CNTN6: variants seen among roughly 807,000 people sequenced by gnomAD.
CNTN6 encodes the protein contactin-6.
CNTN6 carries 137 observed loss-of-function variants against 122.8 expected under a neutral mutation model. That is an observed-to-expected ratio of 1.12 (90% CI 0.97 to 1.29). The LOEUF (loss-of-function observed/expected upper bound fraction) is 1.29. CNTN6 is among the 50% of genes most tolerant of loss of function. The pLI is 0.00. For synonymous variants in CNTN6, 570 were observed against 426.0 expected, an observed-to-expected ratio of 1.34 and a Z score of -4.16; for missense variants, 1,634 against 1,223.4, an observed-to-expected ratio of 1.34 and a Z score of -5.01.
At chr3:1,096,538 A>G (rs933984547) in intron 1 of CNTN6, among the ~76,000 whole-genome samples, 7 of 152,100 alleles carry the variant, frequency 4.6e-5, no homozygotes, top group African/African-American at 1.7e-4. Flanking sequence ...ATTTTAATTG[A>G]CAAATTGGTT....
chr3:1,097,446 A>G, intron 1 of CNTN6, among the ~76,000 whole-genome samples: 1 of 152,258 alleles, frequency 6.6e-6, no homozygotes, highest in East Asian at 1.9e-4. Context: ...ATAAAAGAAC[A>G]TGATGTGTCG....
chr3:1,233,576 A>G (rs1024384471), intron 4 of CNTN6, among the ~76,000 whole-genome samples: 8 of 151,890 alleles, frequency 5.3e-5, no homozygotes, highest in Admixed American at 6.6e-5. Context: ...TCTATAAAAA[A>G]TACAAAAAAT....
At chr3:1,337,620 A>G (rs543137182) in intron 11 of CNTN6, among the ~76,000 whole-genome samples, 2 of 152,246 alleles carry the variant, frequency 1.3e-5, no homozygotes, top group East Asian at 3.9e-4. Flanking sequence ...AAACAGGCAA[A>G]TGAACCATAT....
chr3:1,311,616 C>T (rs1230555372), intron 7 of CNTN6, among the ~76,000 whole-genome samples: 1 of 149,846 alleles, frequency 6.7e-6, no homozygotes, highest in Non-Finnish European at 1.5e-5. Flanking sequence ...CAGATATACT[C>T]ATTTAAGAAA....
chr3:1,281,809 G>C (rs1693497451), intron 5 of CNTN6, among the ~76,000 whole-genome samples: 1 of 152,174 alleles, frequency 6.6e-6, no homozygotes, highest in Non-Finnish European at 1.5e-5. Context: ...CAGTCAGCAA[G>C]AATGAGTCTC....
At chr3:1,327,224 T>C (rs1382081938) in intron 9 of CNTN6, among the ~76,000 whole-genome samples, 4 of 151,834 alleles carry the variant, frequency 2.6e-5, no homozygotes, top group Non-Finnish European at 4.4e-5. Flanking sequence ...GTGCAAAGTA[T>C]GTCAATTGTC....
chr3:1,155,977 A>T (rs1253604588), intron 2 of CNTN6, among the ~76,000 whole-genome samples: 1 of 152,246 alleles, frequency 6.6e-6, no homozygotes, highest in East Asian at 1.9e-4. Flanking sequence ...TATAAAGTTC[A>T]AACTGTCTAA....
chr3:1,258,084 G>C (rs1210596514), intron 4 of CNTN6, among the ~76,000 whole-genome samples: 6 of 152,014 alleles, frequency 3.9e-5, no homozygotes, highest in African/African-American at 1.4e-4. Context: ...AAGTTGTATT[G>C]GAAAAGCAAT....
chr3:1,399,631 A>T (rs1165292648), intron 20 of CNTN6, among the ~76,000 whole-genome samples: 2 of 152,020 alleles, frequency 1.3e-5, no homozygotes, highest in Non-Finnish European at 2.9e-5. Context: ...GTATTGTGTC[A>T]CCTATGGATC....
chr3:1,355,664 T>C (rs1293614286), intron 12 of CNTN6, among the ~76,000 whole-genome samples: 1 of 151,722 alleles, frequency 6.6e-6, no homozygotes, highest in Non-Finnish European at 1.5e-5. Flanking sequence ...TAATTTTGTT[T>C]CTCAAGCCAA....
chr3:1,115,129 G>T (rs2091660796), intron 1 of CNTN6, among the ~76,000 whole-genome samples: 1 of 152,086 alleles, frequency 6.6e-6, no homozygotes, highest in African/African-American at 2.4e-5. Flanking sequence ...CTGTGTATAA[G>T]GTGAAAGACA....
chr3:1,160,367 T>TACAC (rs199666539), intron 2 of CNTN6, among the ~76,000 whole-genome samples: 2 of 112,550 alleles, frequency 1.8e-5, no homozygotes, highest in African/African-American at 6.6e-5. Flanking sequence ...TATATATATA[T>TACAC]ACACACTACC....
chr3:1,377,039 T>G lies in CNTN6; in HGVS notation c.2130T>G (p.Gly710=). 6.2e-7 allele frequency: 1 copy of G among 1,605,914 alleles called. No individual in the cohort carries two copies. The highest frequency in any genetic ancestry group is 1.1e-5 in the South Asian group (1 of 89,508). ...TGGCACCAGTAAACATCCATGGAGGTGGAGGAAGTCGGTCTGAACTCGTCA... is the reference window on the plus strand; with the variant it reads ...TGGCACCAGTAAACATCCATGGAGGGGGAGGAAGTCGGTCTGAACTCGTCA... ...PVVAPVNIHG[G]GGSRSELVIT... is the part of the protein sequence containing the mutation. Residue 710 remains glycine (G), a synonymous_variant, in exon 17 of 23, where the codon GGT becomes GGG. Transcript: ENST00000446702.
chr3:1,149,950 T>A (rs551165078), intron 2 of CNTN6, among the ~76,000 whole-genome samples: 4 of 152,252 alleles, frequency 2.6e-5, no homozygotes, highest in East Asian at 3.9e-4. Context: ...TAACTTTTAT[T>A]TATACAAACT....
At chr3:1,238,659 G>T (rs1212549444) in intron 4 of CNTN6, among the ~76,000 whole-genome samples, 1 of 152,078 alleles carries the variant, frequency 6.6e-6, no homozygotes, top group Non-Finnish European at 1.5e-5. Flanking sequence ...TCAGCACATG[G>T]AACATTCTCC....
intron 2 of CNTN6, among the ~76,000 whole-genome samples, chr3:1,205,746 T>C (rs889680193): frequency 3.9e-5 from 6 of 152,186 alleles, no homozygotes; most frequent in Admixed American, 3.3e-4. Context: ...TTGCAACTTG[T>C]TCAAAGAAGA....
intron 19 of CNTN6, 81 bp downstream of exon 19, chr3:1,383,489 C>G (rs1225731931): frequency 9.8e-7 from 1 of 1,015,926 alleles, no homozygotes; most frequent in Non-Finnish European, 1.5e-6. Flanking sequence ...TCCTATCCTA[C>G]TAGCCTGTTG....
chr3:1,160,634 G>GT (rs1299436044), intron 2 of CNTN6, among the ~76,000 whole-genome samples: 1 of 146,844 alleles, frequency 6.8e-6, no homozygotes, highest in Admixed American at 6.9e-5. Context: ...CTGAGGTTGA[G>GT]TATCACCAAT....
At position 1,384,818 on chromosome 3, in the gene CNTN6, T is replaced by C. The variant is rs1267086453; in HGVS notation, c.2518-793T>C. ...ATATACACACACACACACACATATA[T>C]ATATATATATATAACCATAATCCTC... On this transcript the variant is annotated intron_variant, in intron 19 of 22. Coordinates refer to ENST00000446702, the MANE Select transcript of CNTN6 (RefSeq NM_001289080.2). Among the ~76,000 whole-genome samples the C allele has an allele frequency of 2.5e-3, 349 of 139,172 alleles. 6 individuals are homozygous for C. Among genetic ancestry groups the C allele is most frequent in the African/African-American group, 6.7e-3 (244 of 36,672 alleles). The allele number at this position is 139,172 out of a possible 152,430, so 91.3% of individuals were successfully genotyped here.
Sources: gnomAD v4.1 joint callset for allele counts (sites outside exome capture counted in the v4.1 genomes callset) on GRCh38, gnomAD v4.1.1 for gene constraint, MANE v1.5 for transcripts, NCBI Gene and HGNC (gene_info 2026-07-23, HGNC 2026-07-21) for gene names.